The following SUSD4 variants were observed in gnomAD, a reference collection of about 807,000 sequenced individuals.
SUSD4 encodes sushi domain-containing protein 4.
SUSD4 carries 41 observed loss-of-function variants against 50.5 expected under a neutral mutation model. That is an observed-to-expected ratio of 0.81 (90% CI 0.63 to 1.05). The LOEUF is 1.05. SUSD4 is among the 50% of genes least tolerant of loss of function. SUSD4 has a pLI of 0.00. For synonymous variants in SUSD4, 257 were observed against 257.3 expected, an observed-to-expected ratio of 1.00 and a Z score of 0.01; for missense variants, 580 against 634.7, an observed-to-expected ratio of 0.91 and a Z score of 0.93.
At chr1:223,296,168 A>C (rs1186993983) in intron 2 of SUSD4, among the ~76,000 whole-genome samples, 1 of 152,186 alleles carries the variant, frequency 6.6e-6, no homozygotes, top group Non-Finnish European at 1.5e-5. Flanking sequence ...CAGGTGAGTC[A>C]GAAACAAGGC....
At chr1:223,333,312 A>G (rs1360280725) in intron 2 of SUSD4, among the ~76,000 whole-genome samples, 1 of 152,058 alleles carries the variant, frequency 6.6e-6, no homozygotes, top group Non-Finnish European at 1.5e-5. Flanking sequence ...ACGTTTCCAC[A>G]CCTGTAAACT....
chr1:223,308,685 G>A (rs114488526), intron 2 of SUSD4, among the ~76,000 whole-genome samples: 2,187 of 152,178 alleles, frequency 0.014, 36 homozygotes, highest in African/African-American at 0.049. Context: ...AGAAATTTGA[G>A]ACCAAAAAAT....
At chr1:223,223,960 G>A (rs758731664) in intron 7 of SUSD4, among the ~76,000 whole-genome samples, 1 of 152,246 alleles carries the variant, frequency 6.6e-6, no homozygotes, top group African/African-American at 2.4e-5. Flanking sequence ...AGCTCATGGA[G>A]CAAGGGACAA....
chr1:223,339,572 A>G (rs1667640913), intron 2 of SUSD4, among the ~76,000 whole-genome samples: 1 of 152,182 alleles, frequency 6.6e-6, no homozygotes, highest in African/African-American at 2.4e-5. Context: ...ATCTGGTGTG[A>G]GACTGAGGGA....
intron 2 of SUSD4, among the ~76,000 whole-genome samples, chr1:223,329,121 C>T (rs1667033735): frequency 6.6e-6 from 1 of 152,168 alleles, no homozygotes; most frequent in African/African-American, 2.4e-5. Flanking sequence ...AGCTCCCTGA[C>T]CTCTCTGTGG....
chr1:223,287,575 T>C (rs1294224204), intron 3 of SUSD4, among the ~76,000 whole-genome samples: 1 of 152,124 alleles, frequency 6.6e-6, no homozygotes, highest in Non-Finnish European at 1.5e-5. Flanking sequence ...TTAAGGACCT[T>C]ATGCTGGGAT....
intron 5 of SUSD4, among the ~76,000 whole-genome samples, chr1:223,261,933 C>G (rs1015218303): frequency 6.6e-6 from 1 of 152,190 alleles, no homozygotes; most frequent in South Asian, 2.1e-4. Context: ...CCCCATTTTA[C>G]AGAGGAAGAA....
At position 223,344,872 on chromosome 1, in the gene SUSD4, T is replaced by C. The variant is rs982397033; in HGVS notation, c.148+18406A>G. On this transcript the variant is annotated intron_variant, in intron 2 of 8. Transcript: ENST00000366878. ...GTTCAGAACATTTAGCACTCCTTGTTATGTTCAAGGCTGGGAATTTGGAAG... is the reference window on the plus strand; with the variant it reads ...GTTCAGAACATTTAGCACTCCTTGTCATGTTCAAGGCTGGGAATTTGGAAG... 2.0e-5 allele frequency among the ~76,000 whole-genome samples: 3 copies of C among 152,332 alleles called. No individual in the cohort carries two copies. In the South Asian group the frequency reaches 6.2e-4, roughly 32 times the overall value.
intron 3 of SUSD4, among the ~76,000 whole-genome samples, chr1:223,271,652 C>T (rs1662928373): frequency 6.6e-6 from 1 of 152,174 alleles, no homozygotes; most frequent in South Asian, 2.1e-4. Context: ...AAAAAGTCAA[C>T]CTTGACAGAG....
At chr1:223,321,417 G>A (rs1269967628) in intron 2 of SUSD4, among the ~76,000 whole-genome samples, 1 of 152,180 alleles carries the variant, frequency 6.6e-6, no homozygotes, top group Non-Finnish European at 1.5e-5. Context: ...GCTGTTACGA[G>A]GTTTAAAGGA....
chr1:223,233,845 T>G (rs981054447), intron 5 of SUSD4, among the ~76,000 whole-genome samples: 17 of 152,266 alleles, frequency 1.1e-4, no homozygotes, highest in Admixed American at 7.2e-4. Flanking sequence ...TTCTTAATGT[T>G]TCTTACTTTA....
intron 5 of SUSD4, among the ~76,000 whole-genome samples, chr1:223,249,525 C>A (rs574314017): frequency 1.3e-5 from 2 of 152,160 alleles, no homozygotes; most frequent in Non-Finnish European, 2.9e-5. Flanking sequence ...ATTAGCAAGT[C>A]CTAATAGATG....
chr1:223,236,439 T>G (rs1027902804), intron 5 of SUSD4, among the ~76,000 whole-genome samples: 1 of 152,184 alleles, frequency 6.6e-6, no homozygotes, highest in African/African-American at 2.4e-5. Context: ...GTCATCTGGA[T>G]TTTCTTCCAT....
intron 2 of SUSD4, among the ~76,000 whole-genome samples, chr1:223,348,754 T>C (rs1668184437): frequency 6.6e-6 from 1 of 152,202 alleles, no homozygotes; most frequent in Admixed American, 6.5e-5. Flanking sequence ...GTGACCTGTA[T>C]CAACAGTTTA....
intron 4 of SUSD4, 133 bp downstream of exon 4, chr1:223,268,369 T>G: frequency 8.5e-7 from 1 of 1,178,440 alleles, no homozygotes. Flanking sequence ...TGCAACTGGA[T>G]CCATGTGGGG....
At chr1:223,260,336 A>G (rs1179113949) in intron 5 of SUSD4, among the ~76,000 whole-genome samples, 1 of 152,226 alleles carries the variant, frequency 6.6e-6, no homozygotes, top group East Asian at 1.9e-4. Context: ...CAGGTGTTCA[A>G]TAGTCACTGG....
chr1:223,248,492 C>T (rs1307500034), intron 5 of SUSD4, among the ~76,000 whole-genome samples: 2 of 152,234 alleles, frequency 1.3e-5, no homozygotes, highest in Non-Finnish European at 2.9e-5. Flanking sequence ...GTACCAAAGT[C>T]CTGGCCATCT....
At chr1:223,345,039 T>C (rs1558269085) in intron 2 of SUSD4, among the ~76,000 whole-genome samples, 4 of 152,354 alleles carry the variant, frequency 2.6e-5, no homozygotes, top group Admixed American at 2.0e-4. Context: ...ATATAAGTAA[T>C]TTGTTATTAA....
intron 5 of SUSD4, among the ~76,000 whole-genome samples, chr1:223,241,814 G>C (rs1660603107): frequency 6.6e-6 from 1 of 152,222 alleles, no homozygotes. Flanking sequence ...CAATCGAGAA[G>C]TGACTGCCAT....
Sources: allele counts gnomAD v4.1 joint callset (sites outside exome capture counted in the v4.1 genomes callset), GRCh38; gene constraint gnomAD v4.1.1; transcripts MANE v1.5; gene names NCBI Gene and HGNC (gene_info 2026-07-23, HGNC 2026-07-21).